KCNH7: variants seen among roughly 807,000 people sequenced by gnomAD.
The protein encoded by KCNH7 is potassium voltage-gated channel subfamily H member 7, also known as voltage-gated inwardly rectifying potassium channel KCNH7.
KCNH7 carries 49 observed loss-of-function variants against 120.8 expected under a neutral mutation model. The observed-to-expected ratio is 0.41, with a 90% confidence interval of 0.32 to 0.51. The LOEUF (loss-of-function observed/expected upper bound fraction) is 0.51, where lower values mean the gene tolerates loss of function less well. Ranked by LOEUF, KCNH7 falls within the 20% of genes least tolerant of loss-of-function variation. The pLI, the probability that KCNH7 is intolerant of heterozygous loss-of-function variation, is 0.38. For synonymous variants in KCNH7, 547 were observed against 516.1 expected (o/e 1.06, Z -0.81); for missense variants, 1,097 against 1,446.6 (o/e 0.76, Z 3.92).
chr2:162,552,414 C>CA (rs1021841205), intron 2 of KCNH7, among the ~76,000 whole-genome samples: 11 of 151,990 alleles, frequency 7.2e-5, no homozygotes, highest in African/African-American at 2.2e-4. Flanking sequence ...AAAATAAGAA[C>CA]AAAAAAAGAC....
intron 2 of KCNH7, among the ~76,000 whole-genome samples, chr2:162,662,907 G>A (rs990991898): frequency 1.7e-4 from 26 of 152,128 alleles, no homozygotes; most frequent in African/African-American, 6.3e-4. Context: ...AGCATAAAAA[G>A]CACTGAATTT....
At chr2:162,550,138 C>T (rs1427751676) in intron 2 of KCNH7, among the ~76,000 whole-genome samples, 1 of 152,006 alleles carries the variant, frequency 6.6e-6, no homozygotes, top group African/African-American at 2.4e-5. Context: ...ATAGAGACAT[C>T]GAATGGTATT....
At chr2:162,661,502 T>C (rs945475105) in intron 2 of KCNH7, among the ~76,000 whole-genome samples, 1 of 152,166 alleles carries the variant, frequency 6.6e-6, no homozygotes, top group African/African-American at 2.4e-5. Context: ...ACATGAAAGG[T>C]CATTGTATGT....
Position 162,435,309 on chromosome 2 carries a change from C to A in KCNH7, c.1843G>T (p.Val615Phe). Residue 615 changes from valine (V) to phenylalanine (F), a missense_variant, in exon 8 of 16, where the codon GTC (valine) becomes TTC (phenylalanine). Val to Phe is a conservative substitution (Grantham distance 50, BLOSUM62 -1). This residue lies in a region of KCNH7 where 36 missense variants were observed against 46.8 expected (regional missense o/e 0.77). Transcript: ENST00000332142. ...CTGAAGGTAAAATAAAGTGCTGTGA[C>A]GTATTTGTCTTTAATGGATGGTCCA... is the stretch of plus-strand genomic sequence containing the variant. ...SSGPSIKDKY[V>F]TALYFTFSSL... 6.2e-7 allele frequency: 1 copy of A among 1,613,810 alleles called. No homozygotes were observed. The highest frequency in any genetic ancestry group is 8.5e-7 in the Non-Finnish European group (1 of 1,179,828).
intron 2 of KCNH7, among the ~76,000 whole-genome samples, chr2:162,684,858 A>G (rs1476793724): frequency 6.6e-6 from 1 of 152,170 alleles, no homozygotes; most frequent in Non-Finnish European, 1.5e-5. Context: ...GTATATCCCC[A>G]GAGGATTATA....
At chr2:162,801,152 C>T (rs926207996) in intron 2 of KCNH7, among the ~76,000 whole-genome samples, 1 of 151,570 alleles carries the variant, frequency 6.6e-6, no homozygotes, top group Non-Finnish European at 1.5e-5. Flanking sequence ...GGTAGAACTA[C>T]TTAGAAAACA....
intron 2 of KCNH7, among the ~76,000 whole-genome samples, chr2:162,677,300 A>C (rs1335675409): frequency 6.6e-6 from 1 of 151,530 alleles, no homozygotes; most frequent in Non-Finnish European, 1.5e-5. Context: ...CACACAGAGG[A>C]GTCAGCCAAT....
intron 2 of KCNH7, among the ~76,000 whole-genome samples, chr2:162,705,968 G>A (rs1283820086): frequency 6.6e-6 from 1 of 152,116 alleles, no homozygotes; most frequent in African/African-American, 2.4e-5. Context: ...CTACACAAAT[G>A]TACTTGATTT....
chr2:162,377,997 T>C (rs1474571054), intron 14 of KCNH7, among the ~76,000 whole-genome samples: 6 of 152,194 alleles, frequency 3.9e-5, no homozygotes, highest in Non-Finnish European at 7.3e-5. Context: ...CTAGCAGCAA[T>C]GATTGGCACC....
rs1250962831 is a variant in KCNH7, at chr2:162,371,644, A to G, written c.*185T>C. On this transcript the variant is annotated 3_prime_UTR_variant, in exon 16 of 16. Transcript: ENST00000332142. ...TTAACATTTGGAACCAAAAGTTCTT[A>G]TGTATATTTACATCCTAACTGCTCA... 2 of 772,246 alleles carry G rather than the reference A, an allele frequency of 2.6e-6. No homozygotes were observed. The highest frequency in any genetic ancestry group is 2.4e-5 in the South Asian group (1 of 42,036). 47.8% of individuals were successfully genotyped at this position (772,246 alleles called of 1,614,324 possible).
At chr2:162,678,121 G>A (rs997496195) in intron 2 of KCNH7, among the ~76,000 whole-genome samples, 9 of 151,016 alleles carry the variant, frequency 6.0e-5, no homozygotes, top group Non-Finnish European at 8.9e-5. Context: ...ACACGTGTGT[G>A]TATGTGTCTG....
intron 2 of KCNH7, among the ~76,000 whole-genome samples, chr2:162,825,462 A>C (rs1280887847): frequency 6.6e-6 from 1 of 152,068 alleles, no homozygotes; most frequent in Non-Finnish European, 1.5e-5. Flanking sequence ...GCTAAGTTTT[A>C]TTGGACACAT....
At chr2:162,637,034 A>G (rs1683985729) in intron 2 of KCNH7, among the ~76,000 whole-genome samples, 1 of 152,138 alleles carries the variant, frequency 6.6e-6, no homozygotes, top group Non-Finnish European at 1.5e-5. Context: ...GGCTCAATCA[A>G]GAAAATTCAA....
chr2:162,719,074 T>C (rs979965367), intron 2 of KCNH7, among the ~76,000 whole-genome samples: 14 of 152,036 alleles, frequency 9.2e-5, no homozygotes, highest in Admixed American at 5.2e-4. Flanking sequence ...TGGGTACGTA[T>C]GTATATATAC....
intron 3 of KCNH7, among the ~76,000 whole-genome samples, chr2:162,531,270 C>A (rs984106443): frequency 3.3e-5 from 5 of 151,902 alleles, no homozygotes; most frequent in African/African-American, 1.2e-4. Flanking sequence ...ATTTAGGAAA[C>A]CAAGGTTTCA....
chr2:162,477,255 C>G (rs1189585925), intron 6 of KCNH7, among the ~76,000 whole-genome samples: 1 of 152,208 alleles, frequency 6.6e-6, no homozygotes, highest in Non-Finnish European at 1.5e-5. Flanking sequence ...AACATGGACT[C>G]ACCCCAGAGG....
At chr2:162,754,432 T>C (rs1688717736) in intron 2 of KCNH7, among the ~76,000 whole-genome samples, 2 of 152,144 alleles carry the variant, frequency 1.3e-5, no homozygotes, top group South Asian at 4.1e-4. Context: ...ATTAAATTAA[T>C]GAATGAGCCA....
Position 162,815,948 on chromosome 2 carries a change from A to T in KCNH7, c.307+20589T>A, listed in dbSNP as rs186897232. On this transcript the variant is annotated intron_variant, in intron 2 of 15. Coordinates refer to ENST00000332142, the MANE Select transcript of KCNH7 (RefSeq NM_033272.4). ...TCCTCATAACCTCATCCTCCAGTTTAAAAAAATTTACTTAGAAATCTGCCT... is the reference window on the plus strand; with the variant it reads ...TCCTCATAACCTCATCCTCCAGTTTTAAAAAATTTACTTAGAAATCTGCCT... Among the ~76,000 whole-genome samples, 857 of 152,312 alleles carry T rather than the reference A, an allele frequency of 5.6e-3. 10 individuals carry two copies. Among genetic ancestry groups the T allele is most frequent in the African/African-American group, 0.02 (820 of 41,564 alleles).
At chr2:162,392,937 G>A (rs950109564) in intron 12 of KCNH7, among the ~76,000 whole-genome samples, 1 of 151,882 alleles carries the variant, frequency 6.6e-6, no homozygotes, top group Non-Finnish European at 1.5e-5. Flanking sequence ...TGAGAGAGGG[G>A]CAAGTTGCAT....
Sources: allele counts gnomAD v4.1 joint callset (sites outside exome capture counted in the v4.1 genomes callset), GRCh38; gene constraint gnomAD v4.1.1; regional missense constraint gnomAD v4.1.1; transcripts MANE v1.5; gene names NCBI Gene and HGNC (gene_info 2026-07-23, HGNC 2026-07-21).